The following THSD7B variants were observed in gnomAD, a reference collection of about 807,000 sequenced individuals.
The protein encoded by THSD7B is thrombospondin type-1 domain-containing protein 7B.
Under a neutral mutation model 213.6 loss-of-function variants are expected in THSD7B, and 138 were observed. The observed-to-expected ratio is 0.65, with a 90% CI of 0.56 to 0.74. The LOEUF is 0.74. Ranked by LOEUF, THSD7B falls within the 30% of genes least tolerant of loss-of-function variation. The pLI is 0.00. For synonymous variants in THSD7B, 742 were observed against 687.0 expected, an observed-to-expected ratio of 1.08 and a Z score of -1.25; for missense variants, 1,931 against 1,991.5, an observed-to-expected ratio of 0.97 and a Z score of 0.58.
intron 10 of THSD7B, among the ~76,000 whole-genome samples, chr2:137,269,651 A>AT (rs974388071): frequency 6.6e-6 from 1 of 152,234 alleles, no homozygotes; most frequent in Non-Finnish European, 1.5e-5. Context: ...ATACAGTATA[A>AT]TTGACATTAA....
At chr2:137,259,758 A>G (rs1343308584) in intron 10 of THSD7B, among the ~76,000 whole-genome samples, 2 of 152,182 alleles carry the variant, frequency 1.3e-5, no homozygotes, top group African/African-American at 2.4e-5. Context: ...TCCCTCTACT[A>G]GAATGAAAAG....
chr2:137,174,393 G>T (rs1183319308), intron 7 of THSD7B, among the ~76,000 whole-genome samples: 1 of 152,122 alleles, frequency 6.6e-6, no homozygotes, highest in Non-Finnish European at 1.5e-5. Context: ...TAGACCATTA[G>T]CTTACAAACT....
rs1304831929 is a variant in THSD7B at position 137,115,169 on chromosome 2, C to T, written c.1245C>T (p.Leu415=). The stretch of plus-strand genomic sequence containing the variant: ...AATGGAAAGAATGCCAAGTCTCTCT[C>T]CTCCTCGAGCAGCAGGATCCCCACT... The part of the protein sequence containing the change: ...TSEWKECQVS[L]LLEQQDPHWH... Residue 415 remains leucine, a synonymous_variant, in exon 5 of 28, where the codon CTC becomes CTT. Coordinates refer to ENST00000409968, the MANE Select transcript of THSD7B (RefSeq NM_001316349.2). The T allele has an allele frequency of 3.1e-6, 5 of 1,613,962 alleles. No homozygotes were observed. The highest frequency in any genetic ancestry group is 1.7e-5 in the Admixed American group (1 of 60,016).
chr2:137,568,014 GAGA>G (rs1469600571), intron 16 of THSD7B, among the ~76,000 whole-genome samples: 1 of 152,132 alleles, frequency 6.6e-6, no homozygotes, highest in East Asian at 1.9e-4. Flanking sequence ...CAAAGAAAAT[GAGA>G]AGATGGACAA....
At chr2:137,330,941 G>T (rs571855883) in intron 12 of THSD7B, among the ~76,000 whole-genome samples, 1 of 152,076 alleles carries the variant, frequency 6.6e-6, no homozygotes, top group African/African-American at 2.4e-5. Context: ...TAGATACAAA[G>T]GTTCTCCAAG....
Position 137,519,568 on chromosome 2 carries a change from G to A in THSD7B, c.3139-43653G>A, listed in dbSNP as rs553029687. On this transcript the variant is annotated intron_variant, in intron 15 of 27. Coordinates refer to ENST00000409968, the MANE Select transcript of THSD7B (RefSeq NM_001316349.2). ...ACTTCTTACTGGTTTTCATTTTGGC[G>A]TAACTACTTCAGACTGGCAGAATAT... is the stretch of plus-strand genomic sequence containing the variant. 3.9e-5 allele frequency among the ~76,000 whole-genome samples: 6 copies of A among 152,246 alleles called. No individual in the cohort carries two copies. In the East Asian group the frequency reaches 9.6e-4, roughly 24 times the overall value.
chr2:137,550,342 A>G (rs1404782954), intron 15 of THSD7B, among the ~76,000 whole-genome samples: 1 of 152,114 alleles, frequency 6.6e-6, no homozygotes, highest in Non-Finnish European at 1.5e-5. Context: ...ACAATAATTT[A>G]TGTTGCTGAT....
chr2:137,191,868 C>T (rs183537895), intron 7 of THSD7B, among the ~76,000 whole-genome samples: 87 of 152,238 alleles, frequency 5.7e-4, no homozygotes, highest in Non-Finnish European at 6.6e-4. Flanking sequence ...TTTTTTTCTA[C>T]ATTGTCTTTT....
At chr2:137,302,546 A>C (rs1370540513) in intron 12 of THSD7B, among the ~76,000 whole-genome samples, 1 of 152,088 alleles carries the variant, frequency 6.6e-6, no homozygotes, top group Non-Finnish European at 1.5e-5. Context: ...AAAATTGGAG[A>C]TAGTAATTGG....
chr2:137,295,479 T>C (rs1268663379), intron 12 of THSD7B, among the ~76,000 whole-genome samples: 1 of 152,096 alleles, frequency 6.6e-6, no homozygotes, highest in South Asian at 2.1e-4. Flanking sequence ...AAAAAATCTT[T>C]TTTGTTTTTG....
chr2:136,967,201 G>A (rs1685330458), intron 2 of THSD7B, among the ~76,000 whole-genome samples: 1 of 151,752 alleles, frequency 6.6e-6, no homozygotes, highest in Non-Finnish European at 1.5e-5. Flanking sequence ...ACTGTTTCAA[G>A]TAGTCCTTCA....
Position 137,285,766 on chromosome 2 carries a change from T to G in THSD7B, c.2500+9740T>G, listed in dbSNP as rs544265835. ...CTTTATTTAACACAACATTTCATAA[T>G]CTAGTCTTTCACTAAGGCTTGTAAT... is the stretch of plus-strand genomic sequence containing the variant. On this transcript the variant is annotated intron_variant, in intron 12 of 27. Coordinates refer to ENST00000409968, the MANE Select transcript of THSD7B (RefSeq NM_001316349.2). Among the ~76,000 whole-genome samples, 9 of 152,242 alleles carry G rather than the reference T, an allele frequency of 5.9e-5. No homozygotes were observed. In the South Asian group the frequency reaches 1.7e-3, roughly 28 times the overall value.
At position 137,303,695 on chromosome 2, in the gene THSD7B, T is replaced by A. The variant is rs1054533122; in HGVS notation, c.2500+27669T>A. Among the ~76,000 whole-genome samples the A allele has an allele frequency of 1.9e-3, 87 of 46,258 alleles. 1 individual carries two copies. Among genetic ancestry groups the A allele is most frequent in the Non-Finnish European group, 3.1e-3 (61 of 19,606 alleles). 30.3% of individuals were successfully genotyped at this position (46,258 alleles called of 152,430 possible). On this transcript the variant is annotated intron_variant, in intron 12 of 27. Coordinates refer to ENST00000409968, the MANE Select transcript of THSD7B (RefSeq NM_001316349.2). ...ATTAATATATATATTTATATATATT[T>A]ATATATATTTATATATATATTTATA...
At chr2:136,778,090 A>G (rs925502631) in intron 1 of THSD7B, among the ~76,000 whole-genome samples, 3 of 152,196 alleles carry the variant, frequency 2.0e-5, no homozygotes, top group African/African-American at 7.2e-5. Context: ...TGATGGAATT[A>G]TCATGGAAAT....
chr2:137,211,942 T>C (rs1160735549), intron 7 of THSD7B, among the ~76,000 whole-genome samples: 1 of 151,980 alleles, frequency 6.6e-6, no homozygotes, highest in East Asian at 1.9e-4. Context: ...CTGATATGTA[T>C]CATAGTAAGA....
At chr2:137,526,345 C>T (rs572833132) in intron 15 of THSD7B, among the ~76,000 whole-genome samples, 2 of 152,226 alleles carry the variant, frequency 1.3e-5, no homozygotes, top group African/African-American at 4.8e-5. Flanking sequence ...GCTGTGCCCT[C>T]AATGAGTTTT....
chr2:137,251,648 C>T (rs371271869), intron 10 of THSD7B, among the ~76,000 whole-genome samples: 1 of 152,060 alleles, frequency 6.6e-6, no homozygotes, highest in East Asian at 1.9e-4. Context: ...TAGACTGACC[C>T]GTGGGTAAAA....
intron 2 of THSD7B, among the ~76,000 whole-genome samples, chr2:136,918,849 A>G (rs1558851879): frequency 6.6e-6 from 1 of 152,190 alleles, no homozygotes. Flanking sequence ...TTAATTCAAC[A>G]TCTTTCCTTT....
rs182906040 is a variant in THSD7B, at chr2:137,242,587, C to T, written c.2266+15C>T. ...GTGCCAAGCAGGTAGGTGGATGCTG[C>T]GTTCTTAGTTCTTTCTTCCCTAACC... is the stretch of plus-strand genomic sequence containing the variant. On this transcript the variant is annotated intron_variant, in intron 10 of 27. Coordinates refer to ENST00000409968, the MANE Select transcript of THSD7B (RefSeq NM_001316349.2). The T allele has an allele frequency of 1.1e-3, 1,782 of 1,583,108 alleles. 2 individuals are homozygous for T. The highest frequency in any genetic ancestry group is 1.4e-3 in the Non-Finnish European group (1,612 of 1,152,444).
Sources: allele counts gnomAD v4.1 joint callset (sites outside exome capture counted in the v4.1 genomes callset), GRCh38; gene constraint gnomAD v4.1.1; transcripts MANE v1.5; gene names NCBI Gene and HGNC (gene_info 2026-07-23, HGNC 2026-07-21).